RCN2: variants seen among roughly 807,000 people sequenced by gnomAD.
The protein encoded by RCN2 is reticulocalbin-2.
In RCN2, 23 loss-of-function variants were observed where a neutral mutation model predicts 37.5. That is an observed-to-expected ratio of 0.61 (90% CI 0.44 to 0.87). The LOEUF is 0.87. RCN2 is among the 40% of genes least tolerant of loss of function. The pLI, the probability that RCN2 is intolerant of heterozygous loss-of-function variation, is 0.00. For synonymous variants in RCN2, 140 were observed against 144.6 expected, an observed-to-expected ratio of 0.97 and a Z score of 0.23; for missense variants, 381 against 390.4, an observed-to-expected ratio of 0.98 and a Z score of 0.20.
intron 4 of RCN2, among the ~76,000 whole-genome samples, chr15:76,945,642 A>C (rs1308178574): frequency 6.6e-6 from 1 of 152,218 alleles, no homozygotes; most frequent in African/African-American, 2.4e-5. Context: ...ATTTATATTG[A>C]AGTCTGTTGC....
intron 4 of RCN2, among the ~76,000 whole-genome samples, chr15:76,946,832 A>T (rs995838161): frequency 2.6e-5 from 4 of 152,002 alleles, no homozygotes; most frequent in African/African-American, 4.8e-5. Context: ...AGGGAAAAGG[A>T]TTGGTTGTTT....
In RCN2 at chr15:76,932,401, A is replaced by C. The variant is rs756142940; in HGVS notation, c.185A>C (p.Gln62Pro). 1 of 1,614,066 alleles carries C rather than the reference A, an allele frequency of 6.2e-7. No homozygotes were observed. Among genetic ancestry groups the C allele is most frequent in the Non-Finnish European group, 8.5e-7 (1 of 1,179,918 alleles). The part of the protein sequence containing the change: ...DEYVKLGHEE[Q>P]QKRLQAIIKK... ...TATGTTAAACTCGGCCACGAAGAGC[A>C]GCAAAAAAGACTGCAGGCGATCATA... The change falls in exon 2 of 7, where the codon CAG becomes CCG. Residue 62 changes from glutamine (Q) to proline (P), a missense_variant. Coordinates refer to ENST00000394885, the MANE Select transcript of RCN2 (RefSeq NM_002902.3).
rs1179718496 is a variant in RCN2, at chr15:76,931,791, C to G, written c.-51C>G. On this transcript the variant is annotated 5_prime_UTR_variant, in exon 1 of 7. Transcript: ENST00000394885. ...CGGAGCATCGCAGCCGGCCCGGGCC[C>G]CCGCCAGCCTCCCTCCTCGCGTCCC... The G allele has an allele frequency of 3.4e-6, 4 of 1,192,198 alleles. No homozygotes were observed. Among genetic ancestry groups the G allele is most frequent in the Admixed American group, 9.1e-5 (2 of 22,038 alleles). The allele number at this position is 1,192,198 out of a possible 1,614,324, so 73.9% of individuals were successfully genotyped here.
intron 5 of RCN2, 26 bp from the exon 6 acceptor site, chr15:76,948,384 G>A (rs2075304797): frequency 9.2e-6 from 14 of 1,519,222 alleles, no homozygotes; most frequent in Non-Finnish European, 1.2e-5. Context: ...TCTTGTGTAT[G>A]TATATTTGTG....
At chr15:76,939,567 T>G (rs2152650366) in intron 3 of RCN2, among the ~76,000 whole-genome samples, 1 of 152,286 alleles carries the variant, frequency 6.6e-6, no homozygotes, top group Non-Finnish European at 1.5e-5. Flanking sequence ...TTTTACTGCT[T>G]GTAAATACTA....
intron 4 of RCN2, among the ~76,000 whole-genome samples, chr15:76,945,581 T>A (rs2075293679): frequency 6.6e-6 from 1 of 152,186 alleles, no homozygotes. Flanking sequence ...ACCATCACAC[T>A]GGGAAATAAA....
intron 4 of RCN2, among the ~76,000 whole-genome samples, chr15:76,945,228 A>G (rs933252083): frequency 2.0e-5 from 3 of 152,168 alleles, no homozygotes; most frequent in Non-Finnish European, 4.4e-5. Context: ...ATTTTCTCTC[A>G]TAACTGTGTT....
chr15:76,932,695 T>C (rs2075229858), intron 2 of RCN2, among the ~76,000 whole-genome samples: 1 of 152,212 alleles, frequency 6.6e-6, no homozygotes, highest in South Asian at 2.1e-4. Flanking sequence ...GTACTCTATG[T>C]GGAAGTCACA....
rs2075327347 is a variant in RCN2 at position 76,952,754 on chromosome 15, G to A, written c.*3532G>A. The A allele has an allele frequency of 6.6e-6, 1 of 151,954 alleles. No individual in the cohort carries two copies. Among genetic ancestry groups the A allele is most frequent in the Admixed American group, 6.6e-5 (1 of 15,258 alleles). The allele number at this position is 151,954 out of a possible 1,614,324, so 9.4% of individuals were successfully genotyped here. ...TCCTGCCTCAGCCTCCCGACTAGGT[G>A]GGATTACAGGCGGGCACCACCATGC... On this transcript the variant is annotated 3_prime_UTR_variant, in exon 7 of 7. Transcript: ENST00000394885.
rs1188732207 is a variant in RCN2, at chr15:76,941,679, C to T, written c.448-2079C>T. ...AAAACAGTCTTTCTGTTTTTGGCTT[C>T]TTCGATTTAATGTGAGCTATTCTTA... On this transcript the variant is annotated intron_variant, in intron 3 of 6. Transcript: ENST00000394885. 3.3e-6 allele frequency: 5 copies of T among 1,494,144 alleles called. No homozygotes were observed. In the East Asian group the frequency reaches 1.2e-4, roughly 37 times the overall value. The allele number at this position is 1,494,144 out of a possible 1,614,324, so 92.6% of individuals were successfully genotyped here.
rs2075325977 is a variant in RCN2, at chr15:76,952,460, G to A, written c.*3238G>A. On this transcript the variant is annotated 3_prime_UTR_variant, in exon 7 of 7. Transcript: ENST00000394885. ...ACACATAACAAAATTCATCTTAACA[G>A]TTTTTAATTGTACAGTTCGGTGGTA... 6.6e-6 allele frequency: 1 copy of A among 152,128 alleles called. No individual in the cohort carries two copies. Among genetic ancestry groups the A allele is most frequent in the Non-Finnish European group, 1.5e-5 (1 of 68,026 alleles). 9.4% of individuals were successfully genotyped at this position (152,128 alleles called of 1,614,324 possible). A position where few individuals can be genotyped will look rare whatever the true frequency, so the allele number is the denominator to read the frequency against.
chr15:76,952,242 G>A lies in RCN2; in HGVS notation c.*3020G>A, dbSNP rs1012950239. 4 of 151,928 alleles carry A rather than the reference G, an allele frequency of 2.6e-5. No homozygotes were observed. The highest frequency in any genetic ancestry group is 9.7e-5 in the African/African-American group (4 of 41,334). The allele number at this position is 151,928 out of a possible 1,614,324, so 9.4% of individuals were successfully genotyped here. On this transcript the variant is annotated 3_prime_UTR_variant, in exon 7 of 7. Transcript: ENST00000394885. ...ACCCAAAGTGCATAGTTTACATTAG[G>A]GTTCACTCTTGGTGCTGCACATGCT...
intron 4 of RCN2, 118 bp from the exon 5 acceptor site, chr15:76,947,303 A>C (rs2075300366): frequency 2.2e-4 from 137 of 615,626 alleles, no homozygotes; most frequent in East Asian, 6.8e-4. Context: ...TTGCACCACT[A>C]GAGCTCCAAA....
At chr15:76,947,869 A>G (rs1364239226) in intron 5 of RCN2, 1 of 216,824 alleles carries the variant, frequency 4.6e-6, no homozygotes, top group Non-Finnish European at 9.0e-6. Context: ...ATAAAACACT[A>G]CAAATACTGG....
intron 3 of RCN2, among the ~76,000 whole-genome samples, chr15:76,940,127 CTAGGAA>C (rs2075270878): frequency 6.6e-6 from 1 of 151,398 alleles, no homozygotes; most frequent in African/African-American, 2.4e-5. Context: ...TTTTGACAGC[CTAGGAA>C]TATGTCTCTA....
At chr15:76,945,264 T>C (rs991767325) in intron 4 of RCN2, among the ~76,000 whole-genome samples, 1 of 152,240 alleles carries the variant, frequency 6.6e-6, no homozygotes, top group Non-Finnish European at 1.5e-5. Flanking sequence ...CTTATCCTTT[T>C]GTAGCTTTCA....
At chr15:76,939,378 A>G (rs2075268030) in intron 3 of RCN2, among the ~76,000 whole-genome samples, 1 of 152,158 alleles carries the variant, frequency 6.6e-6, no homozygotes, top group African/African-American at 2.4e-5. Context: ...AATATTGAAG[A>G]AAGCATTTAC....
At position 76,953,594 on chromosome 15, in the gene RCN2, T is replaced by TATATATATATATATATATATA. The variant is rs1212518050; in HGVS notation, c.*4372_*4373insATATATATATATATATATATA. 1.2e-4 allele frequency: 1 copy of TATATATATATATATATATATA among 8,494 alleles called. No homozygotes were observed. Among genetic ancestry groups the TATATATATATATATATATATA allele is most frequent in the Non-Finnish European group, 2.3e-4 (1 of 4,392 alleles). The allele number at this position is 8,494 out of a possible 1,614,324, so 0.5% of individuals were successfully genotyped here. A position where few individuals can be genotyped will look rare whatever the true frequency, so the allele number is the denominator to read the frequency against. On this transcript the variant is annotated 3_prime_UTR_variant, in exon 7 of 7. Transcript: ENST00000394885. ...ATATATATATATATATATATATATATTTTTTTTTTTTTTTTTTTTTTTTTT... is the reference window on the plus strand; with the variant it reads ...ATATATATATATATATATATATATATATATATATATATATATATATATTTTTTTTTTTTTTTTTTTTTTTTT...
intron 3 of RCN2, chr15:76,941,643 G>A: frequency 6.7e-7 from 1 of 1,481,988 alleles, no homozygotes; most frequent in Non-Finnish European, 9.1e-7. Context: ...TTAGGAATTT[G>A]CCATTTGTAA....
Sources: gnomAD v4.1 joint callset for allele counts (sites outside exome capture counted in the v4.1 genomes callset) on GRCh38, gnomAD v4.1.1 for gene constraint, MANE v1.5 for transcripts, NCBI Gene and HGNC (gene_info 2026-07-23, HGNC 2026-07-21) for gene names.